The following CDC14A variants were observed in gnomAD, a reference collection of about 807,000 sequenced individuals.
CDC14A encodes dual specificity protein phosphatase CDC14A.
A neutral mutation model predicts 74.4 loss-of-function variants in CDC14A; 53 were observed. The ratio of observed to expected loss-of-function variants is 0.71; its 90% CI spans 0.57 to 0.89. The LOEUF is 0.89. Among genes scored for constraint, CDC14A ranks in the 40% least tolerant of loss-of-function variants. The pLI, the probability that CDC14A is intolerant of heterozygous loss-of-function variation, is 0.00. For missense variants in CDC14A, 646 were observed against 713.7 expected (o/e 0.91, Z 1.08); for synonymous variants, 247 against 258.4 (o/e 0.96, Z 0.43).
intron 3 of CDC14A, among the ~76,000 whole-genome samples, chr1:100,379,361 A>G (rs1378107808): frequency 6.6e-6 from 1 of 152,222 alleles, no homozygotes; most frequent in African/African-American, 2.4e-5. Flanking sequence ...TTTTAGTGGT[A>G]AGGTAATCTG....
chr1:100,444,127 C>T (rs1451293338), intron 7 of CDC14A, among the ~76,000 whole-genome samples: 1 of 152,190 alleles, frequency 6.6e-6, no homozygotes, highest in Non-Finnish European at 1.5e-5. Flanking sequence ...ACATTGCCAT[C>T]CTACTGAGCA....
intron 3 of CDC14A, among the ~76,000 whole-genome samples, chr1:100,385,151 A>C (rs537349253): frequency 6.6e-6 from 1 of 152,222 alleles, no homozygotes. Flanking sequence ...AGTTCTTTCG[A>C]GACTACTTGA....
At chr1:100,349,645 TTTG>T (rs1650737905), upstream of CDC14A, among the ~76,000 whole-genome samples, 1 of 152,212 alleles carries the variant, frequency 6.6e-6, no homozygotes, top group East Asian at 1.9e-4. Context: ...TCCATGCAAT[TTTG>T]TTGTTGTTTG....
rs573298569 is a variant in CDC14A, at chr1:100,374,102, A to G, written c.141-3444A>G. On this transcript the variant is annotated intron_variant, in intron 2 of 15. Transcript: ENST00000336454. The stretch of plus-strand genomic sequence containing the variant: ...AGTTTACTGAGAATGATGATTTCCA[A>G]TTTCATCCATGTCCCTACAAAGGAC... Among the ~76,000 whole-genome samples, 231 of 152,072 alleles carry G rather than the reference A, an allele frequency of 1.5e-3. 1 individual carries two copies. The highest frequency in any genetic ancestry group is 6.3e-4 in the Non-Finnish European group (43 of 67,970).
In CDC14A at chr1:100,439,946, G is replaced by T. The variant is rs1451369868; in HGVS notation, c.404G>T (p.Gly135Val). Residue 135 changes from glycine (G) to valine (V), a missense_variant, in exon 6 of 16, where the codon GGA becomes GTA. Coordinates refer to ENST00000336454, the MANE Select transcript of CDC14A (RefSeq NM_003672.4). ...TATGTTTATAGGGATGCTTCCTTTG[G>T]AAATTGCACTTACAATCTCACCATT... Reference protein sequence around the residue: ...PYLPFRDASFGNCTYNLTILD... With the variant: ...PYLPFRDASFVNCTYNLTILD... 6.2e-7 allele frequency: 1 copy of T among 1,612,376 alleles called. No homozygotes were observed. Among genetic ancestry groups the T allele is most frequent in the South Asian group, 1.1e-5 (1 of 91,034 alleles).
chr1:100,480,903 A>AT (rs1669397306), intron 10 of CDC14A: 1 of 152,048 alleles, frequency 6.6e-6, no homozygotes, highest in Admixed American at 6.6e-5. Flanking sequence ...TTCTAGCTTC[A>AT]TTTTCTAGTA....
In CDC14A at chr1:100,465,649, A is replaced by G. The variant is rs371074989; in HGVS notation, c.839-2307A>G. 3.1e-4 allele frequency among the ~76,000 whole-genome samples: 47 copies of G among 152,358 alleles called. No homozygotes were observed. The East Asian group carries it at 6.7e-3, about 22-fold the overall frequency. ...GAATGAATATGTCATGCCTCAACGT[A>G]AAGTATTTTATACAGAGATAAACTA... On this transcript the variant is annotated intron_variant, in intron 9 of 15. Coordinates refer to ENST00000336454, the MANE Select transcript of CDC14A (RefSeq NM_003672.4).
chr1:100,386,466 A>T (rs1251764840), intron 3 of CDC14A, among the ~76,000 whole-genome samples: 2 of 152,196 alleles, frequency 1.3e-5, no homozygotes, highest in South Asian at 4.1e-4. Context: ...CAGGTAGCTC[A>T]TTGAAAGCCT....
chr1:100,441,708 G>T (rs1664951942), intron 6 of CDC14A, among the ~76,000 whole-genome samples: 1 of 150,784 alleles, frequency 6.6e-6, no homozygotes, highest in Non-Finnish European at 1.5e-5. Context: ...TTATTCTGTA[G>T]GGGTTGTTTA....
At chr1:100,440,277 C>T (rs1664781940) in intron 6 of CDC14A, among the ~76,000 whole-genome samples, 1 of 152,118 alleles carries the variant, frequency 6.6e-6, no homozygotes, top group Non-Finnish European at 1.5e-5. Context: ...ATTGCTTTGT[C>T]ACATGCTTAG....
chr1:100,468,884 T>A (rs1056546433), intron 10 of CDC14A, among the ~76,000 whole-genome samples: 1 of 152,138 alleles, frequency 6.6e-6, no homozygotes, highest in Non-Finnish European at 1.5e-5. Flanking sequence ...TTCATTTTTT[T>A]TTCTTTTTAT....
At chr1:100,407,590 A>C (rs543620515) in intron 4 of CDC14A, among the ~76,000 whole-genome samples, 1 of 152,260 alleles carries the variant, frequency 6.6e-6, no homozygotes, top group African/African-American at 2.4e-5. Flanking sequence ...ATCAGCTTAA[A>C]AAGCTTTTGG....
At chr1:100,456,913 A>C (rs138108211) in intron 8 of CDC14A, among the ~76,000 whole-genome samples, 28 of 152,346 alleles carry the variant, frequency 1.8e-4, no homozygotes, top group Admixed American at 3.9e-4. Flanking sequence ...CTTGCTAAAT[A>C]ATCTTTTTTG....
In CDC14A at chr1:100,352,816, G is replaced by T; in HGVS notation, c.-139G>T. On this transcript the variant is annotated 5_prime_UTR_variant, in exon 1 of 16. Transcript: ENST00000336454. ...TGACCCCGAAGCCGCCTCCGCCTTC[G>T]GCGCCTGCTGCCTCCCTCGGCCAGG... is the stretch of plus-strand genomic sequence containing the variant. The T allele has an allele frequency of 6.8e-7, 1 of 1,469,048 alleles. No homozygotes were observed. Among genetic ancestry groups the T allele is most frequent in the African/African-American group, 1.4e-5 (1 of 69,362 alleles). The allele number at this position is 1,469,048 out of a possible 1,614,324, so 91.0% of individuals were successfully genotyped here.
In CDC14A at chr1:100,393,377, A is replaced by G. The variant is rs1423698100; in HGVS notation, c.309+2553A>G. On this transcript the variant is annotated intron_variant, in intron 4 of 15. Transcript: ENST00000336454. ...CTGCTTGATGCTCTAACTAGGCCAT[A>G]GAATTGTTTACACATTCTTGCCATG... 5.7e-6 allele frequency: 5 copies of G among 876,074 alleles called. No individual in the cohort carries two copies. In the East Asian group the frequency reaches 9.6e-5, roughly 17 times the overall value. The allele number at this position is 876,074 out of a possible 1,614,324, so 54.3% of individuals were successfully genotyped here. A position where few individuals can be genotyped will look rare whatever the true frequency, so the allele number is the denominator to read the frequency against.
chr1:100,473,928 A>T (rs1457667077), intron 10 of CDC14A, among the ~76,000 whole-genome samples: 1 of 152,176 alleles, frequency 6.6e-6, no homozygotes, highest in Non-Finnish European at 1.5e-5. Flanking sequence ...TCGTGCTCCC[A>T]GTCTTGGAAG....
chr1:100,454,644 C>T (rs1290326665), intron 7 of CDC14A, among the ~76,000 whole-genome samples: 1 of 152,054 alleles, frequency 6.6e-6, no homozygotes, highest in Non-Finnish European at 1.5e-5. Flanking sequence ...CAAAGTCAGC[C>T]AATGGGCATG....
At chr1:100,507,819 A>G (rs943578008) in intron 15 of CDC14A, among the ~76,000 whole-genome samples, 11 of 152,064 alleles carry the variant, frequency 7.2e-5, no homozygotes, top group African/African-American at 2.7e-4. Flanking sequence ...AGCTGGGACT[A>G]CAGGTGTGCA....
At chr1:100,389,598 A>G (rs1446791689) in intron 3 of CDC14A, among the ~76,000 whole-genome samples, 1 of 152,044 alleles carries the variant, frequency 6.6e-6, no homozygotes, top group Non-Finnish European at 1.5e-5. Context: ...TTGCAGTTTC[A>G]TCTTAGAACG....
Sources: gnomAD v4.1 joint callset for allele counts (sites outside exome capture counted in the v4.1 genomes callset) on GRCh38, gnomAD v4.1.1 for gene constraint, MANE v1.5 for transcripts, NCBI Gene and HGNC (gene_info 2026-07-23, HGNC 2026-07-21) for gene names.